The following DENND1A variants were observed in gnomAD, a reference collection of about 807,000 sequenced individuals.
DENND1A encodes DENN domain containing 1A.
Under a neutral mutation model 113.7 loss-of-function variants are expected in DENND1A, and 51 were observed. The observed-to-expected ratio is 0.45, with a 90% CI of 0.36 to 0.57. The LOEUF (loss-of-function observed/expected upper bound fraction) is 0.57, where lower values mean the gene tolerates loss of function less well. Ranked by LOEUF, DENND1A falls within the 20% of genes least tolerant of loss-of-function variation. The probability of loss-of-function intolerance (pLI) is 0.00; values close to 1 mark genes in which losing one functional copy is unlikely to be tolerated. For missense variants in DENND1A, 1,258 were observed against 1,395.9 expected (o/e 0.90, Z 1.57); for synonymous variants, 565 against 570.8 (o/e 0.99, Z 0.14).
chr9:123,736,227 T>C (rs2068554125), intron 5 of DENND1A, among the ~76,000 whole-genome samples: 1 of 152,220 alleles, frequency 6.6e-6, no homozygotes, highest in African/African-American at 2.4e-5. Context: ...AAGAGCTATG[T>C]TGTAAGCTCA....
At chr9:123,563,504 G>C (rs891619423) in intron 12 of DENND1A, among the ~76,000 whole-genome samples, 2 of 152,218 alleles carry the variant, frequency 1.3e-5, no homozygotes, top group Non-Finnish European at 2.9e-5. Context: ...TGTACAACAT[G>C]TATACATTGT....
intron 3 of DENND1A, among the ~76,000 whole-genome samples, chr9:123,784,223 G>C (rs1831765370): frequency 6.6e-6 from 1 of 152,164 alleles, no homozygotes; most frequent in South Asian, 2.1e-4. Flanking sequence ...TCCAAGTTAA[G>C]AGATTTGGAG....
intron 13 of DENND1A, among the ~76,000 whole-genome samples, chr9:123,476,657 G>C (rs1046349102): frequency 7.9e-5 from 12 of 152,232 alleles, no homozygotes; most frequent in African/African-American, 2.2e-4. Flanking sequence ...AGGTGTGGGA[G>C]GCGGTAGTGG....
chr9:123,513,278 A>G (rs1256922340), intron 13 of DENND1A, among the ~76,000 whole-genome samples: 1 of 152,216 alleles, frequency 6.6e-6, no homozygotes, highest in Admixed American at 6.5e-5. Context: ...TCAGAGCCAG[A>G]GACTGAGATT....
intron 19 of DENND1A, among the ~76,000 whole-genome samples, chr9:123,426,755 G>A (rs1456169134): frequency 6.6e-6 from 1 of 152,200 alleles, no homozygotes; most frequent in African/African-American, 2.4e-5. Flanking sequence ...TTATTTAAAA[G>A]GTGAGAAATG....
intron 5 of DENND1A, among the ~76,000 whole-genome samples, chr9:123,686,824 A>C (rs1264366049): frequency 6.6e-6 from 1 of 152,170 alleles, no homozygotes; most frequent in Non-Finnish European, 1.5e-5. Context: ...TAAAGCTTTA[A>C]ATGTATGCTT....
At chr9:123,556,709 G>T (rs1033234194) in intron 13 of DENND1A, among the ~76,000 whole-genome samples, 1 of 152,220 alleles carries the variant, frequency 6.6e-6, no homozygotes, top group Non-Finnish European at 1.5e-5. Context: ...GTGCTCCTGG[G>T]AGAACAGGCC....
At chr9:123,845,697 A>G (rs911920585) in intron 2 of DENND1A, among the ~76,000 whole-genome samples, 5 of 142,936 alleles carry the variant, frequency 3.5e-5, no homozygotes, top group African/African-American at 7.9e-5. Flanking sequence ...AAAAAAAAAG[A>G]GGAATAAAAA....
At chr9:123,457,996 T>C (rs2048264885) in intron 13 of DENND1A, 99 bp from the exon 14 acceptor site, 2 of 929,518 alleles carry the variant, frequency 2.2e-6, no homozygotes, top group East Asian at 5.5e-5. Context: ...GCTATTTTTT[T>C]TCTTTTCCTT....
intron 13 of DENND1A, among the ~76,000 whole-genome samples, chr9:123,515,170 T>A (rs2053799880): frequency 6.6e-6 from 1 of 152,218 alleles, no homozygotes; most frequent in Non-Finnish European, 1.5e-5. Context: ...TGAGCCCAAG[T>A]ACATTAAGCA....
chr9:123,835,901 C>T (rs530581371), intron 2 of DENND1A, among the ~76,000 whole-genome samples: 2 of 152,152 alleles, frequency 1.3e-5, no homozygotes, highest in South Asian at 4.1e-4. Context: ...AGCTATGAAG[C>T]CTGGCAAAAG....
At chr9:123,573,207 G>A (rs2058453607) in intron 12 of DENND1A, among the ~76,000 whole-genome samples, 1 of 152,070 alleles carries the variant, frequency 6.6e-6, no homozygotes, top group South Asian at 2.1e-4. Context: ...CTTGCAAACA[G>A]GTAATATAAG....
rs150818799 is a variant in DENND1A at position 123,471,545 on chromosome 9, G to A, written c.994-13648C>T. ...GTGACAGGGCAGTGGAGGCGAGACC[G>A]CAACGTACAGCAAGAAGAAAAGGAA... On this transcript the variant is annotated intron_variant, in intron 13 of 23. Coordinates refer to ENST00000394215, the MANE Select transcript of DENND1A (RefSeq NM_001352964.2). 3.0e-3 allele frequency among the ~76,000 whole-genome samples: 455 copies of A among 152,298 alleles called. 2 individuals are homozygous for A. Among genetic ancestry groups the A allele is most frequent in the Middle Eastern group, 0.01 (3 of 294 alleles).
At chr9:123,791,370 T>C (rs1832969348) in intron 3 of DENND1A, among the ~76,000 whole-genome samples, 1 of 152,136 alleles carries the variant, frequency 6.6e-6, no homozygotes, top group South Asian at 2.1e-4. Flanking sequence ...CATAGAAATT[T>C]AAGATAAAAT....
rs1204895370 is a variant in DENND1A, at chr9:123,440,357, C to T, written c.1488+3G>A. The stretch of plus-strand genomic sequence containing the variant: ...AGACAGGTAGGAGGGCCAGGGTACA[C>T]ACCTGTCCAAAGTGGACTGTGATTG... On this transcript the variant is annotated splice_donor_region_variant and intron_variant, in intron 19 of 23. Transcript: ENST00000394215. 5 of 1,599,770 alleles carry T rather than the reference C, an allele frequency of 3.1e-6. No individual in the cohort carries two copies. In the East Asian group the frequency reaches 9.1e-5, roughly 29 times the overall value.
intron 1 of DENND1A, among the ~76,000 whole-genome samples, chr9:123,928,005 TCAC>T (rs1345986579): frequency 1.3e-5 from 2 of 152,358 alleles, no homozygotes; most frequent in Non-Finnish European, 2.9e-5. Flanking sequence ...TCTTTCGGTT[TCAC>T]CACAAGCTAA....
intron 11 of DENND1A, among the ~76,000 whole-genome samples, chr9:123,589,908 C>A (rs78246471): frequency 0.043 from 6,537 of 152,260 alleles, 174 homozygotes; most frequent in South Asian, 0.058. Flanking sequence ...TCTGGCTTGT[C>A]CCCGACCAGG....
chr9:123,779,648 G>A (rs1830963649), intron 3 of DENND1A, among the ~76,000 whole-genome samples: 1 of 151,966 alleles, frequency 6.6e-6, no homozygotes, highest in South Asian at 2.1e-4. Flanking sequence ...CATAGGCGCG[G>A]ACTACCACGC....
At chr9:123,440,157 C>T (rs1022455912) in intron 19 of DENND1A, 15 of 545,480 alleles carry the variant, frequency 2.7e-5, no homozygotes, top group African/African-American at 1.0e-4. Flanking sequence ...TGACCTCAGC[C>T]GTGCTGTCTC....
Sources: allele counts gnomAD v4.1 joint callset (sites outside exome capture counted in the v4.1 genomes callset), GRCh38; gene constraint gnomAD v4.1.1; transcripts MANE v1.5; gene names NCBI Gene and HGNC (gene_info 2026-07-23, HGNC 2026-07-21).